GPATCH8: variants seen among roughly 807,000 people sequenced by gnomAD.
GPATCH8 encodes the protein G patch domain-containing protein 8.
A neutral mutation model predicts 118.3 loss-of-function variants in GPATCH8; 18 were observed. That is an observed-to-expected ratio of 0.15 (90% CI 0.11 to 0.23). GPATCH8 has a LOEUF of 0.23. GPATCH8 is among the 10% of genes least tolerant of loss of function. The pLI is 1.00. For missense variants in GPATCH8, 1,631 were observed against 1,873.8 expected (o/e 0.87, Z 2.39); for synonymous variants, 659 against 684.7 (o/e 0.96, Z 0.59).
chr17:44,481,239 T>G (rs915174648), intron 1 of GPATCH8, among the ~76,000 whole-genome samples: 1 of 152,180 alleles, frequency 6.6e-6, no homozygotes, highest in Non-Finnish European at 1.5e-5. Flanking sequence ...AGATTACTGA[T>G]GGGAACATAA....
intron 7 of GPATCH8, among the ~76,000 whole-genome samples, chr17:44,405,296 C>A (rs2049177965): frequency 1.3e-5 from 2 of 151,802 alleles, no homozygotes; most frequent in South Asian, 4.2e-4. Flanking sequence ...ACAACCTCCG[C>A]CTCCCAGGTT....
intron 6 of GPATCH8, among the ~76,000 whole-genome samples, chr17:44,418,633 AGTAGAGAGGGGTTTTCACCAT>A (rs1301147511): frequency 6.6e-6 from 1 of 151,860 alleles, no homozygotes; most frequent in African/African-American, 2.4e-5. Context: ...TTGTATTTTT[AGTAGAGAGGGGTTTTCACCAT>A]GTTAGCCAGG....
At chr17:44,402,299 T>G (rs1404777201) in intron 7 of GPATCH8, among the ~76,000 whole-genome samples, 1 of 123,172 alleles carries the variant, frequency 8.1e-6, no homozygotes, top group Non-Finnish European at 1.6e-5. Context: ...CACTCCAGCC[T>G]GGGTGACAGA....
chr17:44,491,083 T>C (rs1969208970), intron 1 of GPATCH8, among the ~76,000 whole-genome samples: 1 of 152,220 alleles, frequency 6.6e-6, no homozygotes, highest in African/African-American at 2.4e-5. Context: ...AAGGAATTAT[T>C]AGGACAAGTC....
intron 3 of GPATCH8, among the ~76,000 whole-genome samples, chr17:44,461,461 G>T: frequency 6.6e-6 from 1 of 151,972 alleles, no homozygotes; most frequent in Non-Finnish European, 1.5e-5. Context: ...TGGGATTTCA[G>T]GCGCTAGCCA....
At chr17:44,440,768 T>G (rs1173796371) in intron 3 of GPATCH8, among the ~76,000 whole-genome samples, 1 of 152,226 alleles carries the variant, frequency 6.6e-6, no homozygotes, top group Non-Finnish European at 1.5e-5. Flanking sequence ...GTTCTGATTT[T>G]AAAATGGTTA....
Position 44,400,796 on chromosome 17 carries a change from G to A in GPATCH8, c.1281C>T (p.His427=), listed in dbSNP as rs1261305781. Residue 427 remains histidine, a synonymous_variant, in exon 8 of 8, where the codon CAC becomes CAT. Transcript: ENST00000591680. ...TTTTACTCTCTGGGGCATTCTTTGGGTGTGTAGTATTATCACCATCCATTT... is the reference window on the plus strand; with the variant it reads ...TTTTACTCTCTGGGGCATTCTTTGGATGTGTAGTATTATCACCATCCATTT... ...SEQMDGDNTT[H]PKNAPESKKG... The A allele has an allele frequency of 6.2e-7, 1 of 1,613,970 alleles. No homozygotes were observed. The highest frequency in any genetic ancestry group is 1.3e-5 in the African/African-American group (1 of 74,902).
chr17:44,428,074 G>A (rs1391700858), intron 5 of GPATCH8, among the ~76,000 whole-genome samples: 1 of 152,152 alleles, frequency 6.6e-6, no homozygotes, highest in Admixed American at 6.5e-5. Context: ...CTGAGCTCAA[G>A]AGTTTGAAAC....
At chr17:44,433,575 T>C (rs1165414113) in intron 5 of GPATCH8, among the ~76,000 whole-genome samples, 3 of 152,064 alleles carry the variant, frequency 2.0e-5, no homozygotes, top group Non-Finnish European at 2.9e-5. Context: ...TATAATGAGG[T>C]AATATTTAAG....
chr17:44,457,725 G>A (rs1055030596), intron 3 of GPATCH8, among the ~76,000 whole-genome samples: 3 of 152,152 alleles, frequency 2.0e-5, no homozygotes, highest in African/African-American at 7.2e-5. Context: ...CATGAGCCCA[G>A]GAGTTCGAGA....
rs1231445178 is a variant in GPATCH8 at position 44,396,954 on chromosome 17, A to G, written c.*614T>C. 3 of 453,998 alleles carry G rather than the reference A, an allele frequency of 6.6e-6. No homozygotes were observed. The highest frequency in any genetic ancestry group is 1.3e-5 in the Non-Finnish European group (3 of 226,782). 28.1% of individuals were successfully genotyped at this position (453,998 alleles called of 1,614,324 possible). ...GAGGGATACCAAGATAACAGTGCCAAATGTGTGGCTCCGTTGATGTGGGAA... is the reference window on the plus strand; with the variant it reads ...GAGGGATACCAAGATAACAGTGCCAGATGTGTGGCTCCGTTGATGTGGGAA... On this transcript the variant is annotated 3_prime_UTR_variant, in exon 8 of 8. Transcript: ENST00000591680.
intron 1 of GPATCH8, among the ~76,000 whole-genome samples, chr17:44,476,390 A>G (rs1036103413): frequency 3.9e-5 from 6 of 152,116 alleles, no homozygotes; most frequent in Non-Finnish European, 8.8e-5. Flanking sequence ...ATTTTAGTAG[A>G]GTCAGGGTTT....
chr17:44,454,247 C>T (rs1274590107), intron 3 of GPATCH8, among the ~76,000 whole-genome samples: 1 of 151,988 alleles, frequency 6.6e-6, no homozygotes, highest in Non-Finnish European at 1.5e-5. Flanking sequence ...TCAAACAATC[C>T]TCCCACCTCA....
At chr17:44,454,055 C>T (rs1020914571) in intron 3 of GPATCH8, among the ~76,000 whole-genome samples, 1 of 152,166 alleles carries the variant, frequency 6.6e-6, no homozygotes, top group African/African-American at 2.4e-5. Context: ...TTGTATACAT[C>T]AGTATCTCCT....
intron 1 of GPATCH8, among the ~76,000 whole-genome samples, chr17:44,501,980 G>T (rs1443761199): frequency 6.6e-6 from 1 of 151,958 alleles, no homozygotes; most frequent in Non-Finnish European, 1.5e-5. Context: ...AACATGAACT[G>T]CTTCAAACTT....
At chr17:44,474,631 T>A (rs980779160) in intron 2 of GPATCH8, 198 bp downstream of exon 2, 9 of 668,110 alleles carry the variant, frequency 1.3e-5, no homozygotes, top group Non-Finnish European at 2.4e-5. Flanking sequence ...GTTTCTAGAT[T>A]TTTTTGGACT....
chr17:44,432,845 A>G (rs2050368274), intron 5 of GPATCH8, among the ~76,000 whole-genome samples: 1 of 152,084 alleles, frequency 6.6e-6, no homozygotes, highest in Admixed American at 6.5e-5. Context: ...AAATATTTTG[A>G]TCAATAAGAT....
chr17:44,409,505 C>T (rs1056598899), intron 6 of GPATCH8: 4 of 152,196 alleles, frequency 2.6e-5, no homozygotes, highest in South Asian at 2.1e-4. Flanking sequence ...TCTGAACTGT[C>T]CCTAGTGGTG....
chr17:44,486,964 T>A (rs1205313849), intron 1 of GPATCH8: 1 of 152,222 alleles, frequency 6.6e-6, no homozygotes, highest in Non-Finnish European at 1.5e-5. Context: ...GCACATTTAT[T>A]ATAATACATT....
Sources: gnomAD v4.1 joint callset for allele counts (sites outside exome capture counted in the v4.1 genomes callset) on GRCh38, gnomAD v4.1.1 for gene constraint, MANE v1.5 for transcripts, NCBI Gene and HGNC (gene_info 2026-07-23, HGNC 2026-07-21) for gene names.